CABIN1: variants seen among roughly 807,000 people sequenced by gnomAD.
CABIN1 encodes calcineurin-binding protein cabin-1.
Under a neutral mutation model 227.7 loss-of-function variants are expected in CABIN1, and 133 were observed. That is an observed-to-expected ratio of 0.58 (90% CI 0.51 to 0.67). The LOEUF is 0.67. CABIN1 is among the 30% of genes least tolerant of loss of function. The probability of loss-of-function intolerance (pLI) is 0.00; values close to 1 mark genes in which losing one functional copy is unlikely to be tolerated. For synonymous variants in CABIN1, 1,086 were observed against 1,155.1 expected (o/e 0.94, Z 1.21); for missense variants, 2,408 against 2,852.5 (o/e 0.84, Z 3.55).
At chr22:24,072,578 T>C (rs1601917823) in intron 18 of CABIN1, 68 bp downstream of exon 18, 1 of 1,587,726 alleles carries the variant, frequency 6.3e-7, no homozygotes, top group East Asian at 2.2e-5. Context: ...TCCTCTGCCC[T>C]AGGGTCCTGG....
chr22:24,053,551 G>A (rs902680623), intron 8 of CABIN1, among the ~76,000 whole-genome samples: 4 of 150,266 alleles, frequency 2.7e-5, no homozygotes, highest in South Asian at 2.1e-4. Flanking sequence ...CTAATTTTTG[G>A]TATTTCTAGT....
intron 19 of CABIN1, among the ~76,000 whole-genome samples, chr22:24,080,224 C>T (rs2040717227): frequency 6.6e-6 from 1 of 152,176 alleles, no homozygotes; most frequent in Non-Finnish European, 1.5e-5. Context: ...CACCTTCTTA[C>T]ATGTTGGCTC....
intron 1 of CABIN1, among the ~76,000 whole-genome samples, chr22:24,016,919 G>A (rs767003208): frequency 3.3e-5 from 5 of 151,196 alleles, no homozygotes; most frequent in Admixed American, 1.3e-4. Flanking sequence ...AGCTAGTTGC[G>A]TCTTCTTTTG....
At chr22:24,032,503 G>A (rs1169148653) in intron 1 of CABIN1, among the ~76,000 whole-genome samples, 2 of 152,168 alleles carry the variant, frequency 1.3e-5, no homozygotes, top group African/African-American at 4.8e-5. Context: ...TATATAGCCA[G>A]ATGTGGAATT....
At position 24,166,641 on chromosome 22, in the gene CABIN1, G is replaced by T; in HGVS notation, c.5010G>T (p.Gly1670=). The stretch of plus-strand genomic sequence containing the variant: ...TCTTACCTTTGGTTTCTTTGTAGGG[G>T]TCAGAACGCCCAGGGCCCAAGGTCT... The part of the protein sequence containing the change: ...LEDTLSELAE[G]SERPGPKVCG... Residue 1670 remains glycine, a splice_region_variant and synonymous_variant, in exon 32 of 37, where the codon GGG becomes GGT. Coordinates refer to ENST00000263119, the MANE Select transcript of CABIN1 (RefSeq NM_012295.4). The T allele has an allele frequency of 1.2e-6, 2 of 1,612,770 alleles. No homozygotes were observed. Among genetic ancestry groups the T allele is most frequent in the Non-Finnish European group, 1.7e-6 (2 of 1,179,944 alleles).
At chr22:24,024,644 G>A (rs1190212876) in intron 1 of CABIN1, among the ~76,000 whole-genome samples, 1 of 152,086 alleles carries the variant, frequency 6.6e-6, no homozygotes, top group Non-Finnish European at 1.5e-5. Flanking sequence ...ATACTCATAT[G>A]ATACATACGT....
At chr22:24,067,708 G>C (rs1399448376) in intron 16 of CABIN1, among the ~76,000 whole-genome samples, 1 of 152,210 alleles carries the variant, frequency 6.6e-6, no homozygotes, top group African/African-American at 2.4e-5. Context: ...GGAACTGGCA[G>C]CTGCTGGGTG....
chr22:24,150,031 C>T (rs538040665), intron 29 of CABIN1, among the ~76,000 whole-genome samples: 2 of 152,318 alleles, frequency 1.3e-5, no homozygotes, highest in South Asian at 2.1e-4. Context: ...AAAGAGGCTG[C>T]GTTGTGGAGG....
At chr22:24,106,860 G>A (rs1167346375) in intron 26 of CABIN1, among the ~76,000 whole-genome samples, 1 of 152,138 alleles carries the variant, frequency 6.6e-6, no homozygotes, top group African/African-American at 2.4e-5. Context: ...ATTGAAACTT[G>A]GTGTTCTTTC....
chr22:24,036,011 G>T, intron 2 of CABIN1, 78 bp from the exon 3 acceptor site: 1 of 923,926 alleles, frequency 1.1e-6, no homozygotes, highest in Non-Finnish European at 1.8e-6. Context: ...GAGCAGAATT[G>T]TATTCATCTG....
intron 29 of CABIN1, among the ~76,000 whole-genome samples, chr22:24,156,734 G>A (rs938371479): frequency 2.0e-5 from 3 of 152,222 alleles, no homozygotes; most frequent in Non-Finnish European, 4.4e-5. Context: ...CAGCGGAGTG[G>A]GAGGAGTGAG....
intron 19 of CABIN1, among the ~76,000 whole-genome samples, chr22:24,079,557 A>G (rs2040670913): frequency 6.6e-6 from 1 of 152,206 alleles, no homozygotes; most frequent in South Asian, 2.1e-4. Flanking sequence ...TGTCAGCCCT[A>G]GGTACAGTAG....
rs139905195 is a variant in CABIN1, at chr22:24,177,746, G to A, written c.6448G>A (p.Val2150Ile). The A allele has an allele frequency of 8.7e-6, 14 of 1,611,722 alleles. No individual in the cohort carries two copies. Among genetic ancestry groups the A allele is most frequent in the Non-Finnish European group, 1.1e-5 (13 of 1,178,478 alleles). The change falls in exon 36 of 37, where the codon GTC (valine) becomes ATC (isoleucine). Residue 2150 changes from valine (V) to isoleucine (I), a missense_variant. Physicochemically the swap from Val to Ile is conservative, Grantham distance 29. This residue lies in a region of CABIN1 where 714 missense variants were observed against 773.8 expected (regional missense o/e 0.92). Transcript: ENST00000263119. This position sits in a 1 kb window ranked among gnomAD's most constrained non-coding sequence, Gnocchi z 4.4. ...CACCAAGTTCCCCCCTGAGATCACC[G>A]TCACGCCACCCACCCCAACCCTGCT... is the stretch of plus-strand genomic sequence containing the variant. Reference protein sequence around the residue: ...AATKFPPEITVTPPTPTLLSP... With the variant: ...AATKFPPEITITPPTPTLLSP...
At chr22:24,140,640 C>CT (rs1383641154) in intron 29 of CABIN1, among the ~76,000 whole-genome samples, 5 of 152,254 alleles carry the variant, frequency 3.3e-5, no homozygotes, top group Non-Finnish European at 5.9e-5. Context: ...AGAGATGGTT[C>CT]TCCTTCCTTC....
rs1181860496 is a variant in CABIN1, at chr22:24,177,874, G to A, written c.6519+57G>A. On this transcript the variant is annotated intron_variant, in intron 36 of 36. Coordinates refer to ENST00000263119, the MANE Select transcript of CABIN1 (RefSeq NM_012295.4). This position sits in a 1 kb window ranked among gnomAD's most constrained non-coding sequence, Gnocchi z 4.4. ...TGGGTGGGAGGCATAGGTTACAAAG[G>A]GGGCCTAGGATGGGGGTGGGGGTGG... is the stretch of plus-strand genomic sequence containing the variant. 3.2e-6 allele frequency: 5 copies of A among 1,568,594 alleles called. No individual in the cohort carries two copies. Among genetic ancestry groups the A allele is most frequent in the Non-Finnish European group, 4.3e-6 (5 of 1,149,458 alleles).
intron 29 of CABIN1, among the ~76,000 whole-genome samples, chr22:24,161,640 C>T (rs1684594306): frequency 6.6e-6 from 1 of 152,220 alleles, no homozygotes; most frequent in Admixed American, 6.5e-5. Context: ...CTGCCCTCAG[C>T]CAGGCCTCTT....
At chr22:24,125,188 C>T (rs562055861) in intron 28 of CABIN1, among the ~76,000 whole-genome samples, 6 of 152,314 alleles carry the variant, frequency 3.9e-5, no homozygotes, top group African/African-American at 1.4e-4. Flanking sequence ...GGGATGAGCC[C>T]AGGCCCAGGG....
At position 24,038,353 on chromosome 22, in the gene CABIN1, A is replaced by G; in HGVS notation, c.102A>G (p.Ala34=). Residue 34 remains alanine (A), a synonymous_variant, in exon 4 of 37, where the codon GCA becomes GCG. Coordinates refer to ENST00000263119, the MANE Select transcript of CABIN1 (RefSeq NM_012295.4). The part of the protein sequence containing the change: ...HKTQTKEAQE[A]EAFALYHKAL... The stretch of plus-strand genomic sequence containing the variant: ...TCTCTTGTCTTGATTTGCAGGAAGC[A>G]GAGGCTTTTGCATTGTACCACAAGG... The G allele has an allele frequency of 6.2e-7, 1 of 1,612,974 alleles. No individual in the cohort carries two copies. The highest frequency in any genetic ancestry group is 2.2e-5 in the East Asian group (1 of 44,886).
At chr22:24,142,863 G>C (rs1039628104) in intron 29 of CABIN1, among the ~76,000 whole-genome samples, 2 of 152,204 alleles carry the variant, frequency 1.3e-5, no homozygotes, top group African/African-American at 4.8e-5. Flanking sequence ...GAGCTGGTTT[G>C]TAATAGCCTC....
Sources: gnomAD v4.1 joint callset for allele counts (sites outside exome capture counted in the v4.1 genomes callset) on GRCh38, gnomAD v4.1.1 for gene constraint, gnomAD v4.1.1 regional missense constraint, Gnocchi (gnomAD v3.1) non-coding constraint, MANE v1.5 for transcripts, NCBI Gene and HGNC (gene_info 2026-07-23, HGNC 2026-07-21) for gene names.